NXPH1: variants seen among roughly 807,000 people sequenced by gnomAD.
The protein encoded by NXPH1 is neurexophilin-1.
In NXPH1, 5 loss-of-function variants were observed where a neutral mutation model predicts 23.7. The ratio of observed to expected loss-of-function variants is 0.21; its 90% CI spans 0.11 to 0.44. NXPH1 has a LOEUF of 0.44. Among genes scored for constraint, NXPH1 ranks in the 20% least tolerant of loss-of-function variants. The pLI, the probability that NXPH1 is intolerant of heterozygous loss-of-function variation, is 0.99. For missense variants in NXPH1, 324 were observed against 321.6 expected (o/e 1.01, Z -0.06); for synonymous variants, 144 against 122.2 (o/e 1.18, Z -1.18).
At chr7:8,640,796 A>G (rs953412567) in intron 2 of NXPH1, among the ~76,000 whole-genome samples, 1 of 152,030 alleles carries the variant, frequency 6.6e-6, no homozygotes, top group Admixed American at 6.6e-5. Context: ...ATGACTACAA[A>G]AAGTAAAAAT....
At chr7:8,499,431 G>A (rs1208855182) in intron 2 of NXPH1, among the ~76,000 whole-genome samples, 2 of 152,024 alleles carry the variant, frequency 1.3e-5, no homozygotes, top group Non-Finnish European at 2.9e-5. Flanking sequence ...ACAAACAGCA[G>A]AGATCCCAGC....
At chr7:8,472,793 G>A (rs1816890417) in intron 2 of NXPH1, among the ~76,000 whole-genome samples, 1 of 152,156 alleles carries the variant, frequency 6.6e-6, no homozygotes, top group Admixed American at 6.5e-5. Flanking sequence ...ATTCCCACTT[G>A]TCTAATGAAG....
intron 2 of NXPH1, among the ~76,000 whole-genome samples, chr7:8,451,898 G>T (rs953414142): frequency 6.6e-6 from 1 of 152,164 alleles, no homozygotes; most frequent in African/African-American, 2.4e-5. Context: ...TAGGCATTCA[G>T]GGTCCTCATG....
intron 2 of NXPH1, among the ~76,000 whole-genome samples, chr7:8,722,148 A>T (rs909912234): frequency 6.6e-6 from 1 of 152,216 alleles, no homozygotes; most frequent in African/African-American, 2.4e-5. Context: ...AGTATGCGAA[A>T]AAAAAAGACT....
Position 8,541,260 on chromosome 7 carries a change from C to G in NXPH1, c.54+105493C>G, listed in dbSNP as rs115852506. ...TTAAACTCTGGAAAAGATGAATAAA[C>G]TTGAAGACATAACAATAGAGATTAT... On this transcript the variant is annotated intron_variant, in intron 2 of 2. Transcript: ENST00000405863. 2.9e-3 allele frequency among the ~76,000 whole-genome samples: 445 copies of G among 151,582 alleles called. 3 individuals carry two copies. Among genetic ancestry groups the G allele is most frequent in the African/African-American group, 0.01 (424 of 41,400 alleles).
In NXPH1 at chr7:8,473,083, G is replaced by T. The variant is rs955517010; in HGVS notation, c.54+37316G>T. Among the ~76,000 whole-genome samples the T allele has an allele frequency of 3.9e-5, 6 of 152,244 alleles. 1 individual carries two copies. Among genetic ancestry groups the T allele is most frequent in the Admixed American group, 3.9e-4 (6 of 15,282 alleles). ...TCTGCACCCAAGAACCACTTTTCTG[G>T]TTATGGGGTTTAGACATGGCATAAC... is the stretch of plus-strand genomic sequence containing the variant. On this transcript the variant is annotated intron_variant, in intron 2 of 2. Transcript: ENST00000405863.
intron 2 of NXPH1, among the ~76,000 whole-genome samples, chr7:8,484,598 T>C (rs539377380): frequency 6.6e-5 from 10 of 152,326 alleles, no homozygotes; most frequent in Middle Eastern, 3.4e-3. Context: ...ACTTCATAAG[T>C]TGCTTAAGGG....
At chr7:8,467,760 T>A (rs929986139) in intron 2 of NXPH1, among the ~76,000 whole-genome samples, 2 of 152,152 alleles carry the variant, frequency 1.3e-5, no homozygotes, top group Non-Finnish European at 2.9e-5. Context: ...GATAGCAACC[T>A]CTTTCAATTT....
chr7:8,440,445 C>A (rs1816278719), intron 2 of NXPH1, among the ~76,000 whole-genome samples: 1 of 152,166 alleles, frequency 6.6e-6, no homozygotes, highest in South Asian at 2.1e-4. Context: ...ATTCGTGGCT[C>A]CTCTGTGCGA....
chr7:8,498,456 G>T (rs1817376027), intron 2 of NXPH1, among the ~76,000 whole-genome samples: 1 of 151,982 alleles, frequency 6.6e-6, no homozygotes. Flanking sequence ...CCCTACTTTT[G>T]AAAAGGTTTC....
intron 2 of NXPH1, among the ~76,000 whole-genome samples, chr7:8,443,430 G>C (rs1335749209): frequency 6.6e-6 from 1 of 152,262 alleles, no homozygotes; most frequent in Non-Finnish European, 1.5e-5. Context: ...TGACAGACAA[G>C]GAAACTGAGG....
At position 8,752,859 on chromosome 7, in the gene NXPH1, A is replaced by T. The variant is rs1286767742; in HGVS notation, c.*1090A>T. ...ATTTATTCAGATCAAGTATTGTTGAAAGCTATACATATACAACATTACAGT... is the reference window on the plus strand; with the variant it reads ...ATTTATTCAGATCAAGTATTGTTGATAGCTATACATATACAACATTACAGT... On this transcript the variant is annotated 3_prime_UTR_variant, in exon 3 of 3. Coordinates refer to ENST00000405863, the MANE Select transcript of NXPH1 (RefSeq NM_152745.3). The T allele has an allele frequency of 6.6e-6, 1 of 152,576 alleles. No homozygotes were observed. Among genetic ancestry groups the T allele is most frequent in the Non-Finnish European group, 1.5e-5 (1 of 68,016 alleles). 9.5% of individuals were successfully genotyped at this position (152,576 alleles called of 1,614,324 possible).
At chr7:8,554,226 C>T (rs1330315201) in intron 2 of NXPH1, among the ~76,000 whole-genome samples, 1 of 151,548 alleles carries the variant, frequency 6.6e-6, no homozygotes. Flanking sequence ...AGGTGTTAAC[C>T]TTCAGGCATT....
At chr7:8,504,262 A>G (rs1004142739) in intron 2 of NXPH1, among the ~76,000 whole-genome samples, 5 of 151,972 alleles carry the variant, frequency 3.3e-5, no homozygotes, top group African/African-American at 4.8e-5. Context: ...CCTCCACCCT[A>G]TTATTAGATC....
intron 2 of NXPH1, among the ~76,000 whole-genome samples, chr7:8,631,850 C>T (rs114201097): frequency 1.3e-3 from 194 of 152,294 alleles, no homozygotes; most frequent in African/African-American, 4.4e-3. Flanking sequence ...GTTGTTAGGA[C>T]ACAGCACTAA....
chr7:8,485,574 G>A (rs761477643), intron 2 of NXPH1, among the ~76,000 whole-genome samples: 4 of 152,012 alleles, frequency 2.6e-5, no homozygotes, highest in African/African-American at 4.8e-5. Flanking sequence ...GGCCCCATGA[G>A]CTCCCATTGT....
chr7:8,707,828 T>G (rs1171950556), intron 2 of NXPH1, among the ~76,000 whole-genome samples: 3 of 152,186 alleles, frequency 2.0e-5, no homozygotes, highest in Non-Finnish European at 2.9e-5. Flanking sequence ...GCTTAATTAC[T>G]CACTTCAAAA....
intron 2 of NXPH1, among the ~76,000 whole-genome samples, chr7:8,572,482 C>G (rs957955414): frequency 6.6e-6 from 1 of 151,896 alleles, no homozygotes; most frequent in African/African-American, 2.4e-5. Context: ...GTTTTAGCAC[C>G]TCATTCTATA....
At chr7:8,634,461 G>A (rs1039260906) in intron 2 of NXPH1, among the ~76,000 whole-genome samples, 3 of 151,954 alleles carry the variant, frequency 2.0e-5, no homozygotes, top group African/African-American at 7.3e-5. Context: ...CTAGTCTTGG[G>A]TATTTCTTCA....
Sources: gnomAD v4.1 joint callset for allele counts (sites outside exome capture counted in the v4.1 genomes callset) on GRCh38, gnomAD v4.1.1 for gene constraint, MANE v1.5 for transcripts, NCBI Gene and HGNC (gene_info 2026-07-23, HGNC 2026-07-21) for gene names.